RBBP5: variants seen among roughly 807,000 people sequenced by gnomAD.
The protein encoded by RBBP5 is retinoblastoma-binding protein 5.
Under a neutral mutation model 72.2 loss-of-function variants are expected in RBBP5, and 5 were observed. The ratio of observed to expected loss-of-function variants is 0.07; its 90% CI spans 0.04 to 0.15. The LOEUF (loss-of-function observed/expected upper bound fraction) is 0.15, where lower values mean the gene tolerates loss of function less well. Among genes scored for constraint, RBBP5 ranks in the 10% least tolerant of loss-of-function variants. The probability of loss-of-function intolerance (pLI) is 1.00; values close to 1 mark genes in which losing one functional copy is unlikely to be tolerated. For missense variants in RBBP5, 322 were observed against 652.2 expected, an observed-to-expected ratio of 0.49 and a Z score of 5.51; for synonymous variants, 209 against 237.2, an observed-to-expected ratio of 0.88 and a Z score of 1.09.
chr1:205,107,987 G>A (rs1656145300), intron 3 of RBBP5, among the ~76,000 whole-genome samples: 2 of 146,538 alleles, frequency 1.4e-5, no homozygotes, highest in South Asian at 4.3e-4. Context: ...GCTCACGCCT[G>A]TAATCCCAGC....
At chr1:205,101,124 G>A (rs1372197496) in intron 6 of RBBP5, among the ~76,000 whole-genome samples, 4 of 152,184 alleles carry the variant, frequency 2.6e-5, no homozygotes, top group African/African-American at 9.7e-5. Flanking sequence ...TCATGTATGG[G>A]TGTTCCTAAA....
At position 205,100,276 on chromosome 1, in the gene RBBP5, G is replaced by A. The variant is rs11240356; in HGVS notation, c.633-5C>T. On this transcript the variant is annotated splice_region_variant and splice_polypyrimidine_tract_variant and intron_variant, in intron 6 of 13. Transcript: ENST00000264515. Reference sequence around the variant, plus strand: ...GCCGTGTTAATTAAAAAGCAACTACGGGAAGGATAAAAATATCAACACCAG... The same window carrying A: ...GCCGTGTTAATTAAAAAGCAACTACAGGAAGGATAAAAATATCAACACCAG... The A allele has an allele frequency of 0.19, 310,670 of 1,612,432 alleles. 34,268 individuals carry two copies. Among genetic ancestry groups the A allele is most frequent in the East Asian group, 0.44 (19,833 of 44,844 alleles).
At chr1:205,090,724 A>G (rs971763622) in intron 13 of RBBP5, among the ~76,000 whole-genome samples, 1 of 152,134 alleles carries the variant, frequency 6.6e-6, no homozygotes, top group Non-Finnish European at 1.5e-5. Context: ...TAGCAGCCCA[A>G]TCTAGGTTGG....
chr1:205,117,431 C>T (rs1279941020), intron 1 of RBBP5, among the ~76,000 whole-genome samples: 6 of 151,596 alleles, frequency 4.0e-5, no homozygotes, highest in South Asian at 4.2e-4. Context: ...GAAGCTGAGG[C>T]AGGTGGATCA....
chr1:205,113,044 C>T (rs974081904), intron 3 of RBBP5, among the ~76,000 whole-genome samples: 2 of 152,004 alleles, frequency 1.3e-5, no homozygotes, highest in Non-Finnish European at 2.9e-5. Flanking sequence ...CCTGGGATTT[C>T]AAGGTTGCAG....
At chr1:205,107,022 A>G (rs547545236) in intron 3 of RBBP5, among the ~76,000 whole-genome samples, 1 of 151,796 alleles carries the variant, frequency 6.6e-6, no homozygotes, top group East Asian at 1.9e-4. Flanking sequence ...ACATATATAT[A>G]TATGTGTCTG....
At chr1:205,104,076 C>T in intron 4 of RBBP5, 57 bp from the exon 5 acceptor site, 1 of 1,568,708 alleles carries the variant, frequency 6.4e-7, no homozygotes, top group Non-Finnish European at 8.7e-7. Flanking sequence ...CAAGCTGATT[C>T]CCTGTCCTTT....
intron 1 of RBBP5, among the ~76,000 whole-genome samples, chr1:205,117,005 T>C (rs1400925950): frequency 6.6e-6 from 1 of 152,148 alleles, no homozygotes; most frequent in Non-Finnish European, 1.5e-5. Context: ...TTTCTTTGTT[T>C]TAGTTTTTTT....
intron 3 of RBBP5, 41 bp downstream of exon 3, chr1:205,114,748 C>T: frequency 7.0e-7 from 1 of 1,433,952 alleles, no homozygotes. Flanking sequence ...AGTCATCATT[C>T]ATTCTCCTCA....
intron 1 of RBBP5, among the ~76,000 whole-genome samples, chr1:205,117,015 T>G (rs1433315371): frequency 1.3e-5 from 2 of 152,240 alleles, no homozygotes; most frequent in African/African-American, 4.8e-5. Flanking sequence ...TTAGTTTTTT[T>G]GGGTTTTTTT....
chr1:205,096,644 G>T, intron 12 of RBBP5, 38 bp downstream of exon 12: 1 of 1,579,830 alleles, frequency 6.3e-7, no homozygotes, highest in Non-Finnish European at 8.6e-7. Flanking sequence ...GTAGAAAGTG[G>T]CGTCTGCCAG....
intron 13 of RBBP5, among the ~76,000 whole-genome samples, chr1:205,094,261 A>G (rs1390501226): frequency 6.6e-6 from 1 of 152,176 alleles, no homozygotes; most frequent in African/African-American, 2.4e-5. Flanking sequence ...TCCTGTTTTC[A>G]GATATTGGAA....
chr1:205,118,699 G>C (rs1250839302), intron 1 of RBBP5, among the ~76,000 whole-genome samples: 1 of 152,188 alleles, frequency 6.6e-6, no homozygotes, highest in Non-Finnish European at 1.5e-5. Flanking sequence ...ATATAATTCT[G>C]AGAAACTTAG....
chr1:205,109,952 G>A (rs956680583), intron 3 of RBBP5, among the ~76,000 whole-genome samples: 5 of 151,982 alleles, frequency 3.3e-5, no homozygotes, highest in African/African-American at 1.2e-4. Context: ...CAGCACCTCT[G>A]CTTGGGAGCT....
At position 205,099,241 on chromosome 1, in the gene RBBP5, A is replaced by G. The variant is rs1330866831; in HGVS notation, c.979-135T>C. 5 of 542,194 alleles carry G rather than the reference A, an allele frequency of 9.2e-6. No homozygotes were observed. In the Admixed American group the frequency reaches 1.6e-4, roughly 17 times the overall value. 33.6% of individuals were successfully genotyped at this position (542,194 alleles called of 1,614,324 possible). A position where few individuals can be genotyped will look rare whatever the true frequency, so the allele number is the denominator to read the frequency against. Reference sequence around the variant, plus strand: ...ATTAAATTTGGCAGACAAGAAAAAAATGGGTATCTGTAAGTTTTACTAGCT... The same window carrying G: ...ATTAAATTTGGCAGACAAGAAAAAAGTGGGTATCTGTAAGTTTTACTAGCT... On this transcript the variant is annotated intron_variant, in intron 9 of 13. Transcript: ENST00000264515. This position sits in a 1 kb window ranked among gnomAD's most constrained non-coding sequence, Gnocchi z 4.7.
intron 11 of RBBP5, 41 bp downstream of exon 11, chr1:205,097,285 G>T (rs1329236874): frequency 3.9e-6 from 6 of 1,537,006 alleles, no homozygotes; most frequent in Middle Eastern, 1.7e-4. Context: ...GAGGCCAGGA[G>T]CAGCAGTAGC....
At chr1:205,120,144 T>C (rs939199106) in intron 1 of RBBP5, among the ~76,000 whole-genome samples, 2 of 152,178 alleles carry the variant, frequency 1.3e-5, no homozygotes, top group African/African-American at 4.8e-5. Context: ...CTCCTCAATG[T>C]CTTTTCTATT....
At chr1:205,093,552 A>ACGCACG (rs1553352186) in intron 13 of RBBP5, among the ~76,000 whole-genome samples, 1 of 66,320 alleles carries the variant, frequency 1.5e-5, no homozygotes, top group Non-Finnish European at 4.4e-5. Context: ...ACACACACAC[A>ACGCACG]CACACACACA....
chr1:205,100,296 C>G (rs1400145408), intron 6 of RBBP5, 25 bp from the exon 7 acceptor site: 1 of 1,610,618 alleles, frequency 6.2e-7, no homozygotes, highest in East Asian at 2.2e-5. Flanking sequence ...AAAATATCAA[C>G]ACCAGAGGTC....
Sources: gnomAD v4.1 joint callset for allele counts (sites outside exome capture counted in the v4.1 genomes callset) on GRCh38, gnomAD v4.1.1 for gene constraint, Gnocchi (gnomAD v3.1) non-coding constraint, MANE v1.5 for transcripts, NCBI Gene and HGNC (gene_info 2026-07-23, HGNC 2026-07-21) for gene names.